Variants in VPS13A observed in about 807,000 individuals in gnomAD.
The protein encoded by VPS13A is vacuolar protein sorting 13 homolog A.
In VPS13A, 264 loss-of-function variants were observed where a neutral mutation model predicts 390.9. The ratio of observed to expected loss-of-function variants is 0.68; its 90% confidence interval spans 0.61 to 0.75. The LOEUF is 0.75. VPS13A is among the 30% of genes least tolerant of loss of function. VPS13A has a pLI of 0.00. For synonymous variants in VPS13A, 1,231 were observed against 1,227.1 expected (o/e 1.00, Z -0.07); for missense variants, 3,409 against 3,733.9 (o/e 0.91, Z 2.27).
At chr9:77,284,600 A>T (rs894290618) in intron 31 of VPS13A, among the ~76,000 whole-genome samples, 2 of 152,188 alleles carry the variant, frequency 1.3e-5, no homozygotes, top group Non-Finnish European at 2.9e-5. Context: ...TATTTTCCCT[A>T]TCTAGAAAGT....
chr9:77,327,751 A>G (rs1421169846), intron 45 of VPS13A, among the ~76,000 whole-genome samples: 2 of 152,124 alleles, frequency 1.3e-5, no homozygotes, highest in Admixed American at 6.5e-5. Flanking sequence ...AATTGCAACA[A>G]TTCAGTCACC....
At chr9:77,345,273 T>C in intron 52 of VPS13A, 131 bp downstream of exon 52, 1 of 1,027,912 alleles carries the variant, frequency 9.7e-7, no homozygotes, top group Non-Finnish European at 1.4e-6. Context: ...AGTGTTCCAT[T>C]AAAAAATGTA....
chr9:77,325,557 C>T (rs1029687810), intron 45 of VPS13A, among the ~76,000 whole-genome samples: 1 of 150,632 alleles, frequency 6.6e-6, no homozygotes, highest in African/African-American at 2.4e-5. Flanking sequence ...TCCATCTTCC[C>T]TTTGTTTTCT....
At chr9:77,408,365 C>A (rs886300485) in intron 71 of VPS13A, among the ~76,000 whole-genome samples, 2 of 152,182 alleles carry the variant, frequency 1.3e-5, no homozygotes, top group African/African-American at 4.8e-5. Context: ...CTAGTGTGAG[C>A]GACACAGAAG....
chr9:77,348,843 A>G (rs1004022217), intron 52 of VPS13A, among the ~76,000 whole-genome samples: 1 of 152,192 alleles, frequency 6.6e-6, no homozygotes, highest in Non-Finnish European at 1.5e-5. Context: ...TGTCCCAGGT[A>G]GTCCAGTACG....
At chr9:77,228,288 T>A (rs747944862) in intron 17 of VPS13A, 24 bp downstream of exon 17, 1 of 1,556,808 alleles carries the variant, frequency 6.4e-7, no homozygotes, top group Non-Finnish European at 8.7e-7. Context: ...TATCTTTTTT[T>A]ATCATATATG....
intron 23 of VPS13A, among the ~76,000 whole-genome samples, chr9:77,264,326 G>T (rs1480137136): frequency 6.6e-6 from 1 of 152,038 alleles, no homozygotes; most frequent in African/African-American, 2.4e-5. Flanking sequence ...TTTGAATTCT[G>T]TGAAGAAAGT....
chr9:77,400,504 C>T (rs185298155), intron 68 of VPS13A, among the ~76,000 whole-genome samples: 1 of 151,948 alleles, frequency 6.6e-6, no homozygotes, highest in East Asian at 1.9e-4. Context: ...TTTATGGACT[C>T]TGTTATATTT....
intron 68 of VPS13A, chr9:77,384,905 G>A (rs116588612): frequency 7.3e-7 from 1 of 1,369,130 alleles, no homozygotes; most frequent in Admixed American, 3.1e-5. Context: ...TTATAGATTT[G>A]CTTTTATATA....
intron 55 of VPS13A, 54 bp from the exon 56 acceptor site, chr9:77,357,638 T>A: frequency 6.4e-7 from 1 of 1,573,846 alleles, no homozygotes; most frequent in South Asian, 1.2e-5. Context: ...AATTTCTAAT[T>A]CTAGTCATTT....
chr9:77,201,366 G>A lies in VPS13A; in HGVS notation c.146G>A (p.Ser49Asn). The change falls in exon 3 of 72, where the codon AGT becomes AAT. Residue 49 changes from serine to asparagine, a missense_variant and splice_region_variant. Physicochemically the swap from Ser to Asn is conservative, Grantham distance 46. Coordinates refer to ENST00000360280, the MANE Select transcript of VPS13A (RefSeq NM_033305.3). ...TGTATATATAAATTTTTTCTGTAGAGTCAACTGGATGTACCATTTAAAGTT... is the reference window on the plus strand; with the variant it reads ...TGTATATATAAATTTTTTCTGTAGAATCAACTGGATGTACCATTTAAAGTT... ...KNLQIKENAL[S>N]QLDVPFKVKV... The A allele has an allele frequency of 6.2e-7, 1 of 1,606,574 alleles. No individual in the cohort carries two copies. Among genetic ancestry groups the A allele is most frequent in the East Asian group, 2.2e-5 (1 of 44,694 alleles).
intron 34 of VPS13A, among the ~76,000 whole-genome samples, chr9:77,305,358 A>C (rs1288097507): frequency 1.3e-5 from 2 of 152,262 alleles, no homozygotes; most frequent in African/African-American, 2.4e-5. Context: ...GATGGAAGTT[A>C]TCTTTTTAAG....
At chr9:77,300,713 C>T (rs1269197096) in intron 33 of VPS13A, among the ~76,000 whole-genome samples, 1 of 152,166 alleles carries the variant, frequency 6.6e-6, no homozygotes, top group Non-Finnish European at 1.5e-5. Context: ...GCCTGGATGA[C>T]AAAATGAGAC....
chr9:77,368,891 T>G (rs1014862600), intron 62 of VPS13A, among the ~76,000 whole-genome samples: 3 of 152,206 alleles, frequency 2.0e-5, no homozygotes, highest in Admixed American at 2.0e-4. Context: ...CCCAACACTT[T>G]GGGAGGCTGA....
chr9:77,377,442 A>C (rs1299404372), intron 67 of VPS13A, among the ~76,000 whole-genome samples: 1 of 151,884 alleles, frequency 6.6e-6, no homozygotes, highest in Non-Finnish European at 1.5e-5. Flanking sequence ...GATGGTCCCG[A>C]TCTCCTGACC....
intron 45 of VPS13A, among the ~76,000 whole-genome samples, chr9:77,325,205 A>T (rs1201745375): frequency 6.6e-6 from 1 of 152,192 alleles, no homozygotes; most frequent in Non-Finnish European, 1.5e-5. Flanking sequence ...TCCTATGAGA[A>T]TCTAATGCTC....
chr9:77,220,191 TAA>T, intron 11 of VPS13A, 84 bp from the exon 12 acceptor site: 1 of 1,510,498 alleles, frequency 6.6e-7, no homozygotes, highest in Non-Finnish European at 9.1e-7. Flanking sequence ...AGCATTTCCC[TAA>T]AAAGTCAGTA....
At chr9:77,199,884 T>A in intron 1 of VPS13A, 61 bp from the exon 2 acceptor site, 2 of 1,400,566 alleles carry the variant, frequency 1.4e-6, no homozygotes, top group Non-Finnish European at 2.0e-6. Flanking sequence ...GAAGCATACA[T>A]ATTAACTTTT....
chr9:77,416,895 C>T lies in VPS13A; in HGVS notation c.*889C>T, dbSNP rs1216503387. 1 of 152,626 alleles carries T rather than the reference C, an allele frequency of 6.6e-6. No individual in the cohort carries two copies. Among genetic ancestry groups the T allele is most frequent in the Non-Finnish European group, 1.5e-5 (1 of 68,026 alleles). The allele number at this position is 152,626 out of a possible 1,614,324, so 9.5% of individuals were successfully genotyped here. A position where few individuals can be genotyped will look rare whatever the true frequency, so the allele number is the denominator to read the frequency against. ...GATAGTGTATTATGCTTCCAACAGA[C>T]AGTCCCTCTCATATAAAGTTTATGT... On this transcript the variant is annotated 3_prime_UTR_variant, in exon 72 of 72. Transcript: ENST00000360280.
Sources: allele counts gnomAD v4.1 joint callset (sites outside exome capture counted in the v4.1 genomes callset), GRCh38; gene constraint gnomAD v4.1.1; transcripts MANE v1.5; gene names NCBI Gene and HGNC (gene_info 2026-07-23, HGNC 2026-07-21).